The following CLIC4 variants were observed in gnomAD, a reference collection of about 807,000 sequenced individuals.
CLIC4 encodes the protein CLIC family member 4, also known as chloride intracellular channel protein 4.
In CLIC4, 13 loss-of-function variants were observed where a neutral mutation model predicts 24.6. The observed-to-expected ratio is 0.53, with a 90% CI of 0.34 to 0.84. CLIC4 has a LOEUF of 0.84. CLIC4 is among the 40% of genes least tolerant of loss of function. The pLI is 0.01. For missense variants in CLIC4, 227 were observed against 301.7 expected, an observed-to-expected ratio of 0.75 and a Z score of 1.83; for synonymous variants, 104 against 111.3, an observed-to-expected ratio of 0.93 and a Z score of 0.41.
intron 1 of CLIC4, among the ~76,000 whole-genome samples, chr1:24,755,266 C>G (rs530754354): frequency 6.6e-6 from 1 of 150,662 alleles, no homozygotes; most frequent in Non-Finnish European, 1.5e-5. Context: ...ACTCCTGGCC[C>G]CATCTCTACT....
At chr1:24,767,042 A>G (rs1216950640) in intron 1 of CLIC4, among the ~76,000 whole-genome samples, 6 of 150,460 alleles carry the variant, frequency 4.0e-5, no homozygotes, top group African/African-American at 1.2e-4. Flanking sequence ...AAAAAAAAAA[A>G]AAAAAAGAAA....
intron 2 of CLIC4, among the ~76,000 whole-genome samples, chr1:24,810,870 GGT>G (rs1159060297): frequency 6.6e-6 from 1 of 151,728 alleles, no homozygotes; most frequent in Non-Finnish European, 1.5e-5. Context: ...CGGATCATGA[GGT>G]CAGGAGACCA....
intron 5 of CLIC4, 143 bp from the exon 6 acceptor site, chr1:24,840,630 G>C: frequency 1.5e-6 from 1 of 654,134 alleles, no homozygotes. Flanking sequence ...ACTCTGGTTA[G>C]AATGATGGTG....
rs1284169709 is a variant in CLIC4 at position 24,840,883 on chromosome 1, T to A, written c.708T>A (p.Ser236Arg). ...SRDEFTNTCP[S>R]DKEVEIAYSD... is the part of the protein sequence containing the mutation. ...ACGAGTTCACCAATACCTGTCCCAG[T>A]GATAAGGAGGTTGAAATAGCATATA... Residue 236 changes from serine to arginine, a missense_variant, in exon 6 of 6, where the codon AGT becomes AGA. Coordinates refer to ENST00000374379, the MANE Select transcript of CLIC4 (RefSeq NM_013943.3). The A allele has an allele frequency of 3.1e-6, 5 of 1,612,140 alleles. No individual in the cohort carries two copies. Among genetic ancestry groups the A allele is most frequent in the Non-Finnish European group, 4.2e-6 (5 of 1,179,160 alleles).
intron 3 of CLIC4, among the ~76,000 whole-genome samples, chr1:24,816,782 T>C (rs559639066): frequency 4.6e-5 from 7 of 152,342 alleles, no homozygotes; most frequent in African/African-American, 9.6e-5. Context: ...GCATTGTCAA[T>C]GAGCAGTAAT....
intron 3 of CLIC4, among the ~76,000 whole-genome samples, chr1:24,818,382 GTT>G (rs1031530910): frequency 6.6e-6 from 1 of 152,110 alleles, no homozygotes; most frequent in Non-Finnish European, 1.5e-5. Flanking sequence ...TGCCTCCTGG[GTT>G]CAAGTGATTC....
In CLIC4 at chr1:24,843,845, A is replaced by G. The variant is rs750976992; in HGVS notation, c.*2908A>G. 2.6e-5 allele frequency: 4 copies of G among 152,644 alleles called. No individual in the cohort carries two copies. Among genetic ancestry groups the G allele is most frequent in the Non-Finnish European group, 4.4e-5 (3 of 68,018 alleles). The allele number at this position is 152,644 out of a possible 1,614,324, so 9.5% of individuals were successfully genotyped here. ...GATAGCATTTATTTCTGTGCCCTTA[A>G]ACCCATTTAGAAAATAACTACAAAG... On this transcript the variant is annotated 3_prime_UTR_variant, in exon 6 of 6. Transcript: ENST00000374379.
At chr1:24,797,623 C>T (rs1639419372) in intron 1 of CLIC4, 119 bp from the exon 2 acceptor site, 2 of 605,744 alleles carry the variant, frequency 3.3e-6, no homozygotes, top group South Asian at 5.5e-5. Flanking sequence ...TTCTACTCTT[C>T]CTTCCACAAT....
At chr1:24,795,164 A>G (rs1456510863) in intron 1 of CLIC4, among the ~76,000 whole-genome samples, 1 of 152,108 alleles carries the variant, frequency 6.6e-6, no homozygotes, top group Non-Finnish European at 1.5e-5. Context: ...ACCTGCACAT[A>G]ATACCCCTGA....
At chr1:24,757,891 C>A (rs753640426) in intron 1 of CLIC4, among the ~76,000 whole-genome samples, 68 of 152,096 alleles carry the variant, frequency 4.5e-4, no homozygotes, top group Admixed American at 1.2e-3. Flanking sequence ...CCTCAGCCTT[C>A]CAAGTAGCTG....
chr1:24,803,742 T>C (rs1639516589), intron 2 of CLIC4, among the ~76,000 whole-genome samples: 1 of 152,248 alleles, frequency 6.6e-6, no homozygotes, highest in Non-Finnish European at 1.5e-5. Flanking sequence ...TGTTCTGGCA[T>C]GTCATCAGTT....
chr1:24,761,351 GAA>G (rs571759588), intron 1 of CLIC4, among the ~76,000 whole-genome samples: 197 of 152,268 alleles, frequency 1.3e-3, no homozygotes, highest in African/African-American at 4.6e-3. Flanking sequence ...ACTTGAGAAA[GAA>G]TGGCAGGAAA....
intron 1 of CLIC4, among the ~76,000 whole-genome samples, chr1:24,776,678 T>C (rs747767097): frequency 1.3e-5 from 2 of 152,200 alleles, no homozygotes; most frequent in African/African-American, 2.4e-5. Flanking sequence ...TCATGGCTCA[T>C]GCCTGTAATC....
chr1:24,825,387 TC>T lies in CLIC4; in HGVS notation c.309-1621del, dbSNP rs369370119. ...GGCTTGTTTGTATAGTCAAGGAAAATCCAGGGATGGTGGATCTGTGATTAAC... is the reference window on the plus strand; with the variant it reads ...GGCTTGTTTGTATAGTCAAGGAAAATCAGGGATGGTGGATCTGTGATTAAC... On this transcript the variant is annotated intron_variant, in intron 3 of 5. Transcript: ENST00000374379. 3.9e-3 allele frequency among the ~76,000 whole-genome samples: 592 copies of T among 152,104 alleles called. 5 individuals are homozygous for T. The highest frequency in any genetic ancestry group is 0.014 in the African/African-American group (578 of 41,482).
chr1:24,768,393 C>T (rs894688667), intron 1 of CLIC4, among the ~76,000 whole-genome samples: 7 of 152,056 alleles, frequency 4.6e-5, no homozygotes, highest in South Asian at 2.1e-4. Context: ...GAAATGTAGA[C>T]GTGCTTATAT....
chr1:24,776,714 G>A (rs1639145161), intron 1 of CLIC4, among the ~76,000 whole-genome samples: 1 of 152,174 alleles, frequency 6.6e-6, no homozygotes, highest in Non-Finnish European at 1.5e-5. Context: ...GCTGAGGCAG[G>A]TGGATCACCA....
At chr1:24,793,411 A>G (rs1296233120) in intron 1 of CLIC4, among the ~76,000 whole-genome samples, 1 of 152,110 alleles carries the variant, frequency 6.6e-6, no homozygotes, top group Non-Finnish European at 1.5e-5. Flanking sequence ...GTGTTTCTTA[A>G]TGTATCCAGC....
rs1202275544 is a variant in CLIC4, at chr1:24,843,553, T to C, written c.*2616T>C. Reference sequence around the variant, plus strand: ...GCAGTTGGAAAGCTCTCTATTCTAGTTGATAAAACTTCCCTTTTTTGATGT... The same window carrying C: ...GCAGTTGGAAAGCTCTCTATTCTAGCTGATAAAACTTCCCTTTTTTGATGT... On this transcript the variant is annotated 3_prime_UTR_variant, in exon 6 of 6. Transcript: ENST00000374379. 1 of 152,230 alleles carries C rather than the reference T, an allele frequency of 6.6e-6. No homozygotes were observed. The highest frequency in any genetic ancestry group is 1.5e-5 in the Non-Finnish European group (1 of 68,022). The allele number at this position is 152,230 out of a possible 1,614,324, so 9.4% of individuals were successfully genotyped here.
chr1:24,750,887 T>G (rs1638765339), intron 1 of CLIC4, among the ~76,000 whole-genome samples: 1 of 152,062 alleles, frequency 6.6e-6, no homozygotes, highest in Non-Finnish European at 1.5e-5. Context: ...TATATATTTA[T>G]AGGCAGATCT....
Sources: gnomAD v4.1 joint callset for allele counts (sites outside exome capture counted in the v4.1 genomes callset) on GRCh38, gnomAD v4.1.1 for gene constraint, MANE v1.5 for transcripts, NCBI Gene and HGNC (gene_info 2026-07-23, HGNC 2026-07-21) for gene names.